Variants in ZNF418 observed in about 807,000 individuals in gnomAD.
The protein encoded by ZNF418 is zinc finger protein 418.
Under a neutral mutation model 32.0 loss-of-function variants are expected in ZNF418, and 32 were observed. The ratio of observed to expected loss-of-function variants is 1.00; its 90% CI spans 0.75 to 1.34. The LOEUF (loss-of-function observed/expected upper bound fraction) is 1.34, where lower values mean the gene tolerates loss of function less well. ZNF418 is among the 40% of genes most tolerant of loss of function. The pLI is 0.00. For synonymous variants in ZNF418, 276 were observed against 270.7 expected (o/e 1.02, Z -0.19); for missense variants, 804 against 812.5 (o/e 0.99, Z 0.13).
intron 1 of ZNF418, 87 bp from the exon 2 acceptor site, chr19:57,933,989 CCT>C (rs2072590731): frequency 1.3e-5 from 20 of 1,565,720 alleles, no homozygotes; most frequent in Non-Finnish European, 1.7e-5. Context: ...CATTTCATGA[CCT>C]GGTACCAACT....
At chr19:57,932,812 G>A (rs2072536268) in intron 2 of ZNF418, among the ~76,000 whole-genome samples, 1 of 152,122 alleles carries the variant, frequency 6.6e-6, no homozygotes, top group South Asian at 2.1e-4. Context: ...CAAAATCTTG[G>A]TGAGTCCACA....
At chr19:57,928,787 A>G (rs1178725797) in intron 3 of ZNF418, among the ~76,000 whole-genome samples, 1 of 151,948 alleles carries the variant, frequency 6.6e-6, no homozygotes, top group Admixed American at 6.6e-5. Context: ...AGGTCAGGAG[A>G]TCGAGACCAT....
chr19:57,932,453 T>C (rs1333611645), intron 2 of ZNF418: 6 of 1,535,454 alleles, frequency 3.9e-6, no homozygotes, highest in South Asian at 3.6e-5. Flanking sequence ...TGGCTCCCAA[T>C]AGCAATGCAG....
Position 57,930,415 on chromosome 19 carries a change from G to A in ZNF418, c.133+13C>T. On this transcript the variant is annotated intron_variant, in intron 3 of 5. Transcript: ENST00000396147. ...ATCTATTCAGGAAATAGGGTAGGGT[G>A]TGAGGAACTTACCCAGGGAGGATAT... 1.2e-6 allele frequency: 2 copies of A among 1,614,048 alleles called. No homozygotes were observed. The highest frequency in any genetic ancestry group is 1.7e-6 in the Non-Finnish European group (2 of 1,179,958).
intron 3 of ZNF418, 86 bp from the exon 4 acceptor site, chr19:57,928,133 A>G: frequency 8.7e-7 from 1 of 1,143,740 alleles, no homozygotes; most frequent in South Asian, 1.6e-5. Context: ...CAAACCAAGG[A>G]ATTACTCCAT....
chr19:57,922,628 C>T lies in ZNF418; in HGVS notation c.*627G>A. 2.5e-6 allele frequency: 1 copy of T among 398,506 alleles called. No homozygotes were observed. The highest frequency in any genetic ancestry group is 4.4e-6 in the Non-Finnish European group (1 of 226,048). 24.7% of individuals were successfully genotyped at this position (398,506 alleles called of 1,614,324 possible). A position where few individuals can be genotyped will look rare whatever the true frequency, so the allele number is the denominator to read the frequency against. On this transcript the variant is annotated splice_region_variant and 3_prime_UTR_variant, in exon 6 of 6. Transcript: ENST00000396147. ...GGGCAAAGGGAAATGCCCTTGAGAT[C>T]CCTGAAAAGAAAGAAAATTCAGTTA...
chr19:57,926,412 G>A lies in ZNF418; in HGVS notation c.1769C>T (p.Pro590Leu), dbSNP rs2072225661. 1 of 1,614,156 alleles carries A rather than the reference G, an allele frequency of 6.2e-7. No individual in the cohort carries two copies. Residue 590 changes from proline to leucine, a missense_variant, in exon 4 of 6, where the codon CCT becomes CTT. Transcript: ENST00000396147. ...TTTTCCACATTCCCTGCATTCATAA[G>A]GCCTTTCTCCAGTGTGAACTCTCCT... ...EHRRVHTGERPYECRECGKTF... is the reference protein window; with the variant it reads ...EHRRVHTGERLYECRECGKTF...
intron 3 of ZNF418, among the ~76,000 whole-genome samples, chr19:57,928,742 C>T (rs1337676268): frequency 1.3e-5 from 2 of 151,966 alleles, no homozygotes; most frequent in East Asian, 1.9e-4. Context: ...ACCTGTAATC[C>T]CAGCACTTTG....
chr19:57,930,921 C>T (rs533003396), intron 2 of ZNF418, among the ~76,000 whole-genome samples: 15 of 152,202 alleles, frequency 9.9e-5, no homozygotes, highest in Non-Finnish European at 1.9e-4. Context: ...GGATTACAGG[C>T]ACCCACCACC....
Position 57,926,402 on chromosome 19 carries a change from G to A in ZNF418, c.1779C>T (p.Cys593=), listed in dbSNP as rs1295513766. The A allele has an allele frequency of 3.7e-6, 6 of 1,613,220 alleles. No individual in the cohort carries two copies. Among genetic ancestry groups the A allele is most frequent in the Non-Finnish European group, 4.2e-6 (5 of 1,179,392 alleles). ...RVHTGERPYE[C]RECGKTFTRR... is the part of the protein sequence containing the mutation. ...GAGTAAATGTTTTTCCACATTCCCTGCATTCATAAGGCCTTTCTCCAGTGT... is the reference window on the plus strand; with the variant it reads ...GAGTAAATGTTTTTCCACATTCCCTACATTCATAAGGCCTTTCTCCAGTGT... The change falls in exon 4 of 6, where the codon TGC becomes TGT. Residue 593 remains cysteine, a synonymous_variant. Coordinates refer to ENST00000396147, the MANE Select transcript of ZNF418 (RefSeq NM_133460.3).
intron 4 of ZNF418, among the ~76,000 whole-genome samples, chr19:57,924,605 T>C (rs1433471812): frequency 2.6e-5 from 4 of 152,216 alleles, no homozygotes; most frequent in Admixed American, 2.6e-4. Context: ...GCAGAAATTC[T>C]ATAAATTATG....
chr19:57,928,497 C>A (rs1055951393), intron 3 of ZNF418, among the ~76,000 whole-genome samples: 2 of 152,080 alleles, frequency 1.3e-5, no homozygotes, highest in African/African-American at 4.8e-5. Flanking sequence ...CTCCCAGGTT[C>A]AAGAAATCCA....
intron 4 of ZNF418, among the ~76,000 whole-genome samples, chr19:57,925,017 A>C (rs541652804): frequency 6.5e-4 from 99 of 152,312 alleles, no homozygotes; most frequent in Non-Finnish European, 1.2e-3. Context: ...CCTTTATGAC[A>C]CCAGAACCCA....
Position 57,935,307 on chromosome 19 carries a change from T to G in ZNF418, c.-227A>C. On this transcript the variant is annotated 5_prime_UTR_variant, in exon 1 of 6. Coordinates refer to ENST00000396147, the MANE Select transcript of ZNF418 (RefSeq NM_133460.3). The stretch of plus-strand genomic sequence containing the variant: ...ACCTTCTGGGTTCAGACACCGCGGT[T>G]CGGACCCATAGCTCCAGCGCCTCTC... 3.3e-4 allele frequency: 312 copies of G among 957,738 alleles called. No homozygotes were observed. The highest frequency in any genetic ancestry group is 3.7e-4 in the Non-Finnish European group (289 of 776,204). 59.3% of individuals were successfully genotyped at this position (957,738 alleles called of 1,614,324 possible). A position where few individuals can be genotyped will look rare whatever the true frequency, so the allele number is the denominator to read the frequency against.
Position 57,933,896 on chromosome 19 carries a change from A to G in ZNF418, c.-74T>C. ...AGTGTGTTCTCTTCTTTGCAGCCAGATGATGCCTGCAGACAAATGGGACTG... is the reference window on the plus strand; with the variant it reads ...AGTGTGTTCTCTTCTTTGCAGCCAGGTGATGCCTGCAGACAAATGGGACTG... On this transcript the variant is annotated 5_prime_UTR_variant, in exon 2 of 6. Transcript: ENST00000396147. The G allele has an allele frequency of 6.2e-6, 10 of 1,613,380 alleles. No homozygotes were observed. Among genetic ancestry groups the G allele is most frequent in the Non-Finnish European group, 7.6e-6 (9 of 1,179,952 alleles).
intron 1 of ZNF418, among the ~76,000 whole-genome samples, chr19:57,934,618 C>G (rs1321785756): frequency 6.6e-6 from 1 of 152,192 alleles, no homozygotes; most frequent in Non-Finnish European, 1.5e-5. Context: ...TGAACCTTTT[C>G]TTATCGCTGG....
rs773424528 is a variant in ZNF418 at position 57,926,844 on chromosome 19, C to T, written c.1337G>A (p.Arg446Gln). Residue 446 changes from arginine to glutamine, a missense_variant, in exon 4 of 6, where the codon CGA becomes CAA. Physicochemically the swap from Arg to Gln is conservative, Grantham distance 43. This residue lies in a region of ZNF418 where 475 missense variants were observed against 458.6 expected (regional missense o/e 1.04). Coordinates refer to ENST00000396147, the MANE Select transcript of ZNF418 (RefSeq NM_133460.3). Reference protein sequence around the residue: ...SRKGNLIQHQRSHTGERPYEC... With the variant: ...SRKGNLIQHQQSHTGERPYEC... Reference sequence around the variant, plus strand: ...ATAAGGCCTTTCTCCAGTGTGGCTTCGCTGATGCTGAATGAGGTTGCCCTT... The same window carrying T: ...ATAAGGCCTTTCTCCAGTGTGGCTTTGCTGATGCTGAATGAGGTTGCCCTT... 6.1e-5 allele frequency: 98 copies of T among 1,614,104 alleles called. No individual in the cohort carries two copies. The highest frequency in any genetic ancestry group is 4.7e-4 in the East Asian group (21 of 44,902).
chr19:57,924,198 CA>C lies in ZNF418; in HGVS notation c.*528-910del, dbSNP rs2072121574. Among the ~76,000 whole-genome samples, 3 of 151,796 alleles carry C rather than the reference CA, an allele frequency of 2.0e-5. No individual in the cohort carries two copies. The South Asian group carries it at 6.2e-4, about 32-fold the overall frequency. ...TATTATTTTTGACAAACATGCTTGA[CA>C]ACTATACAAAATCTCCTCATGTCCT... On this transcript the variant is annotated intron_variant, in intron 4 of 5. Coordinates refer to ENST00000396147, the MANE Select transcript of ZNF418 (RefSeq NM_133460.3).
In ZNF418 at chr19:57,930,289, A is replaced by C. The variant is rs1474367408; in HGVS notation, c.133+139T>G. On this transcript the variant is annotated intron_variant, in intron 3 of 5. Coordinates refer to ENST00000396147, the MANE Select transcript of ZNF418 (RefSeq NM_133460.3). Reference sequence around the variant, plus strand: ...CAGTACACAAACCTCAGACCTACCAACCACAAAACCTACCCAGAGAAGTGG... The same window carrying C: ...CAGTACACAAACCTCAGACCTACCACCCACAAAACCTACCCAGAGAAGTGG... 6 of 1,324,530 alleles carry C rather than the reference A, an allele frequency of 4.5e-6. No homozygotes were observed. The Admixed American group carries it at 9.7e-5, about 21-fold the overall frequency. 82.0% of individuals were successfully genotyped at this position (1,324,530 alleles called of 1,614,324 possible).
Sources: allele counts gnomAD v4.1 joint callset (sites outside exome capture counted in the v4.1 genomes callset), GRCh38; gene constraint gnomAD v4.1.1; regional missense constraint gnomAD v4.1.1; transcripts MANE v1.5; gene names NCBI Gene and HGNC (gene_info 2026-07-23, HGNC 2026-07-21).